The following ZMYM1 variants were observed in gnomAD, a reference collection of about 807,000 sequenced individuals.
ZMYM1 encodes zinc finger MYM-type protein 1.
In ZMYM1, 39 loss-of-function variants were observed where a neutral mutation model predicts 60.0. That is an observed-to-expected ratio of 0.65 (90% CI 0.50 to 0.85). The LOEUF (loss-of-function observed/expected upper bound fraction) is 0.85, where lower values mean the gene tolerates loss of function less well. Among genes scored for constraint, ZMYM1 ranks in the 40% least tolerant of loss-of-function variants. The pLI is 0.00. For missense variants in ZMYM1, 1,171 were observed against 1,309.5 expected (o/e 0.89, Z 1.63); for synonymous variants, 413 against 454.0 (o/e 0.91, Z 1.15).
chr1:35,118,687 A>C (rs1384189666), downstream of ZMYM1, among the ~76,000 whole-genome samples: 1 of 152,180 alleles, frequency 6.6e-6, no homozygotes, highest in Non-Finnish European at 1.5e-5. Flanking sequence ...AGCCTGGGCC[A>C]CAGAGCAAGA....
At chr1:35,064,663 T>C (rs12407174) in intron 1 of ZMYM1, among the ~76,000 whole-genome samples, 35,584 of 148,748 alleles carry the variant, frequency 0.24, 10,267 homozygotes, top group African/African-American at 0.69. Context: ...TCTCCAAACA[T>C]ATGGAAATTA....
intron 6 of ZMYM1, among the ~76,000 whole-genome samples, chr1:35,105,859 G>GGTCTC (rs1446124841): frequency 6.6e-6 from 1 of 152,084 alleles, no homozygotes; most frequent in African/African-American, 2.4e-5. Context: ...CTCCTGCCTT[G>GGTCTC]GTCTCCTAAG....
At chr1:35,099,364 GA>G (rs1643515555) in intron 4 of ZMYM1, among the ~76,000 whole-genome samples, 1 of 152,068 alleles carries the variant, frequency 6.6e-6, no homozygotes, top group Non-Finnish European at 1.5e-5. Context: ...CATAAAACTG[GA>G]AGGGACCTTA....
At chr1:35,117,240 CA>C (rs961895476), downstream of ZMYM1, among the ~76,000 whole-genome samples, 23 of 151,588 alleles carry the variant, frequency 1.5e-4, no homozygotes, top group African/African-American at 5.6e-4. Context: ...ACATCTATTT[CA>C]TTGAGGCTTT....
At chr1:35,070,076 T>C (rs541917119) in intron 1 of ZMYM1, among the ~76,000 whole-genome samples, 1 of 152,330 alleles carries the variant, frequency 6.6e-6, no homozygotes, top group East Asian at 1.9e-4. Context: ...TTGGAGTTGT[T>C]TGTGGTTCCA....
chr1:35,068,418 C>CAA lies in ZMYM1; in HGVS notation c.-301+8508_-301+8509dup, dbSNP rs58187268. On this transcript the variant is annotated intron_variant, in intron 1 of 10. Transcript: ENST00000417119. ...TGGGCAACAGAGTGAAACTCTGCCT[C>CAA]AAAAAAAAAAAAAAAAGAAAAGAAA... 9.8e-3 allele frequency among the ~76,000 whole-genome samples: 611 copies of CAA among 62,522 alleles called. 9 individuals carry two copies. The highest frequency in any genetic ancestry group is 0.023 in the African/African-American group (562 of 24,038). The allele number at this position is 62,522 out of a possible 152,430, so 41.0% of individuals were successfully genotyped here.
At chr1:35,095,438 A>T (rs1218840977) in intron 2 of ZMYM1, among the ~76,000 whole-genome samples, 1 of 151,250 alleles carries the variant, frequency 6.6e-6, no homozygotes, top group Non-Finnish European at 1.5e-5. Flanking sequence ...TTATAGTGAG[A>T]CGAGATCGCG....
At chr1:35,108,094 A>G (rs1643953763) in intron 6 of ZMYM1, among the ~76,000 whole-genome samples, 1 of 152,196 alleles carries the variant, frequency 6.6e-6, no homozygotes. Flanking sequence ...CCTGGACAAC[A>G]GAGCAAGACT....
intron 1 of ZMYM1, among the ~76,000 whole-genome samples, chr1:35,060,595 A>T (rs1457212427): frequency 6.6e-6 from 1 of 152,154 alleles, no homozygotes; most frequent in African/African-American, 2.4e-5. Flanking sequence ...AGGCAGAGGT[A>T]GCTCTCAGTC....
chr1:35,087,943 C>A (rs976285235), intron 1 of ZMYM1, among the ~76,000 whole-genome samples: 6 of 151,872 alleles, frequency 4.0e-5, no homozygotes, highest in African/African-American at 1.5e-4. Flanking sequence ...TGCCTATAAT[C>A]CCAGCTACTC....
intron 1 of ZMYM1, among the ~76,000 whole-genome samples, chr1:35,072,973 T>C (rs1642093906): frequency 6.6e-6 from 1 of 151,914 alleles, no homozygotes; most frequent in Non-Finnish European, 1.5e-5. Context: ...TCCCAGCTAC[T>C]TGGGAGGCTG....
chr1:35,081,773 G>C (rs1466639927), intron 1 of ZMYM1, among the ~76,000 whole-genome samples: 1 of 152,208 alleles, frequency 6.6e-6, no homozygotes, highest in Non-Finnish European at 1.5e-5. Flanking sequence ...TCGGCTCACT[G>C]TAGCCTCTGA....
chr1:35,062,186 C>T (rs1641889421), intron 1 of ZMYM1, among the ~76,000 whole-genome samples: 1 of 152,172 alleles, frequency 6.6e-6, no homozygotes, highest in Non-Finnish European at 1.5e-5. Flanking sequence ...GTCCTGACTC[C>T]TGTCCACCCT....
chr1:35,108,699 A>ATTTTTTT (rs771920421), intron 6 of ZMYM1, among the ~76,000 whole-genome samples: 1 of 106,770 alleles, frequency 9.4e-6, no homozygotes, highest in African/African-American at 3.5e-5. Flanking sequence ...TCCATCGGTG[A>ATTTTTTT]TTTTTTTTTT....
At chr1:35,066,008 C>G (rs1460429070) in intron 1 of ZMYM1, among the ~76,000 whole-genome samples, 5 of 152,136 alleles carry the variant, frequency 3.3e-5, no homozygotes, top group East Asian at 1.9e-4. Flanking sequence ...ATAAGCTGTT[C>G]TATACAAATT....
chr1:35,062,574 G>A (rs1641895163), intron 1 of ZMYM1, among the ~76,000 whole-genome samples: 1 of 152,244 alleles, frequency 6.6e-6, no homozygotes, highest in Non-Finnish European at 1.5e-5. Context: ...CCAGGCACAG[G>A]TTTGTAATCC....
chr1:35,095,861 C>G lies in ZMYM1; in HGVS notation c.139C>G (p.Leu47Val), dbSNP rs767408289. Residue 47 changes from leucine (L) to valine (V), a missense_variant, in exon 3 of 10, where the codon CTG becomes GTG. By Grantham distance (32) the Leu-to-Val change is conservative. Transcript: ENST00000359858. Reference protein sequence around the residue: ...RQQSRTQENELKINAVFSESA... With the variant: ...RQQSRTQENEVKINAVFSESA... ...ACAGTCCAGAACTCAGGAGAATGAA[C>G]TGAAAATAAATGCTGTGTTTTCAGA... 4 of 1,609,476 alleles carry G rather than the reference C, an allele frequency of 2.5e-6. No individual in the cohort carries two copies. In the South Asian group the frequency reaches 3.3e-5, roughly 13 times the overall value.
In ZMYM1 at chr1:35,102,005, A is replaced by G. The variant is rs149237987; in HGVS notation, c.420-2290A>G. On this transcript the variant is annotated intron_variant, in intron 4 of 9. Coordinates refer to ENST00000359858, the MANE Select transcript of ZMYM1 (RefSeq NM_024772.5). Reference sequence around the variant, plus strand: ...ATGACATTTTAAATGAAAAATACCCATATTTTTAAAAATTGATAAGTATTG... The same window carrying G: ...ATGACATTTTAAATGAAAAATACCCGTATTTTTAAAAATTGATAAGTATTG... Among the ~76,000 whole-genome samples the G allele has an allele frequency of 2.2e-4, 33 of 152,290 alleles. No individual in the cohort carries two copies. In the East Asian group the frequency reaches 5.6e-3, roughly 26 times the overall value.
intron 1 of ZMYM1, among the ~76,000 whole-genome samples, chr1:35,088,805 CT>C (rs375136566): frequency 3.8e-4 from 46 of 119,580 alleles, no homozygotes; most frequent in African/African-American, 1.1e-3. Context: ...GGATGCTTTC[CT>C]TTTTTTTTTT....
Sources: gnomAD v4.1 joint callset for allele counts (sites outside exome capture counted in the v4.1 genomes callset) on GRCh38, gnomAD v4.1.1 for gene constraint, MANE v1.5 for transcripts, NCBI Gene and HGNC (gene_info 2026-07-23, HGNC 2026-07-21) for gene names.